Variants in COL5A1 observed in about 807,000 individuals in gnomAD.
The protein encoded by COL5A1 is collagen alpha-1(V) chain.
Under a neutral mutation model 263.7 loss-of-function variants are expected in COL5A1, and 16 were observed. The ratio of observed to expected loss-of-function variants is 0.06; its 90% CI spans 0.04 to 0.09. The LOEUF is 0.09. Ranked by LOEUF, COL5A1 falls within the 10% of genes least tolerant of loss-of-function variation. The pLI is 1.00. For missense variants in COL5A1, 2,036 were observed against 2,540.5 expected, an observed-to-expected ratio of 0.80 and a Z score of 4.27; for synonymous variants, 1,012 against 1,004.5, an observed-to-expected ratio of 1.01 and a Z score of -0.14.
chr9:134,711,991 A>T (rs955603274), intron 4 of COL5A1, among the ~76,000 whole-genome samples: 4 of 32,010 alleles, frequency 1.2e-4, no homozygotes, highest in Admixed American at 3.7e-4. Context: ...TCCTGTCCCC[A>T]CTCCTTCCCC....
chr9:134,699,994 C>T lies in COL5A1; in HGVS notation c.363C>T (p.Asn121=), dbSNP rs369180922. 28 of 1,613,840 alleles carry T rather than the reference C, an allele frequency of 1.7e-5. No homozygotes were observed. The highest frequency in any genetic ancestry group is 1.6e-4 in the Middle Eastern group (1 of 6,062). The change falls in exon 3 of 66, where the codon AAC becomes AAT. Residue 121 remains asparagine, a synonymous_variant. Transcript: ENST00000371817. ...GSQAFLVSIY[N]EQGIQQIGLE... Reference sequence around the variant, plus strand: ...AGGCCTTCCTGGTCTCCATCTACAACGAGCAGGGTATCCAGCAGATTGGGC... The same window carrying T: ...AGGCCTTCCTGGTCTCCATCTACAATGAGCAGGGTATCCAGCAGATTGGGC...
At chr9:134,822,633 G>A (rs1000562506) in intron 59 of COL5A1, among the ~76,000 whole-genome samples, 8 of 151,744 alleles carry the variant, frequency 5.3e-5, no homozygotes, top group African/African-American at 1.9e-4. Context: ...CTGGCACGCT[G>A]AGGGCTGGCC....
intron 4 of COL5A1, among the ~76,000 whole-genome samples, chr9:134,724,428 C>T (rs763029933): frequency 1.2e-4 from 19 of 152,218 alleles, no homozygotes; most frequent in African/African-American, 3.1e-4. Context: ...CGGGCCTGTC[C>T]GGCAGCACAG....
In COL5A1 at chr9:134,677,183, T is replaced by G. The variant is rs1832707372; in HGVS notation, c.110-13729T>G. On this transcript the variant is annotated intron_variant, in intron 1 of 65. Transcript: ENST00000371817. This position sits in a 1 kb window ranked among gnomAD's most constrained non-coding sequence, Gnocchi z 4.4. Reference sequence around the variant, plus strand: ...CTTCATGAAGGAACAGTGTCTCTGCTGGATGCTACCTTGAATATTCAGAAT... The same window carrying G: ...CTTCATGAAGGAACAGTGTCTCTGCGGGATGCTACCTTGAATATTCAGAAT... Among the ~76,000 whole-genome samples the G allele has an allele frequency of 6.6e-6, 1 of 152,204 alleles. No individual in the cohort carries two copies. Among genetic ancestry groups the G allele is most frequent in the Non-Finnish European group, 1.5e-5 (1 of 68,034 alleles).
intron 11 of COL5A1, among the ~76,000 whole-genome samples, chr9:134,750,220 C>T (rs984119738): frequency 6.6e-6 from 1 of 152,186 alleles, no homozygotes; most frequent in Non-Finnish European, 1.5e-5. Flanking sequence ...CTGACACTGC[C>T]TCCTCACCTT....
At chr9:134,801,286 G>T (rs180830972) in intron 37 of COL5A1, among the ~76,000 whole-genome samples, 1 of 152,240 alleles carries the variant, frequency 6.6e-6, no homozygotes, top group Non-Finnish European at 1.5e-5. Flanking sequence ...GTCACCCGTC[G>T]TGCATCAGAG....
chr9:134,780,200 C>G (rs1460824477), intron 28 of COL5A1, 54 bp downstream of exon 28: 6 of 1,565,424 alleles, frequency 3.8e-6, no homozygotes, highest in Non-Finnish European at 4.4e-6. Flanking sequence ...AGCCGAATTC[C>G]AGCCAGCGGG....
chr9:134,811,201 T>C (rs1838508515), intron 44 of COL5A1, 138 bp from the exon 45 acceptor site: 18 of 821,020 alleles, frequency 2.2e-5, no homozygotes, highest in South Asian at 2.2e-4. Flanking sequence ...TGCATCGTGG[T>C]GCAAGGAACG....
At chr9:134,810,084 T>A (rs1479664311) in intron 43 of COL5A1, among the ~76,000 whole-genome samples, 171 bp from the exon 44 acceptor site, 1 of 152,240 alleles carries the variant, frequency 6.6e-6, no homozygotes, top group Non-Finnish European at 1.5e-5. Context: ...TTAGCCCTTG[T>A]ATTAAAAAGG....
At chr9:134,806,133 C>A in intron 41 of COL5A1, 56 bp from the exon 42 acceptor site, 1 of 1,321,548 alleles carries the variant, frequency 7.6e-7, no homozygotes, top group South Asian at 1.3e-5. Flanking sequence ...TTTACAAAGT[C>A]ACGACCACGC....
In COL5A1 at chr9:134,789,748, G is replaced by A. The variant is rs2132785590; in HGVS notation, c.2700+540G>A. Among the ~76,000 whole-genome samples the A allele has an allele frequency of 6.6e-6, 1 of 152,338 alleles. No individual in the cohort carries two copies. The highest frequency in any genetic ancestry group is 2.4e-5 in the African/African-American group (1 of 41,576). On this transcript the variant is annotated intron_variant, in intron 32 of 65. Transcript: ENST00000371817. The surrounding 1 kb of genome is among the most constrained non-coding windows in gnomAD (Gnocchi z 4.8). ...CTCACCCTCAGCGAAGGAACAGGGG[G>A]CCGGGCTGAGGGAGCTGTGTTCTCC... is the stretch of plus-strand genomic sequence containing the variant.
chr9:134,795,220 G>A (rs1564463840), intron 33 of COL5A1, 42 bp from the exon 34 acceptor site: 1 of 1,613,486 alleles, frequency 6.2e-7, no homozygotes, highest in Non-Finnish European at 8.5e-7. Context: ...GTGTCTGTGT[G>A]TCGGGACTTG....
In COL5A1 at chr9:134,717,303, T is replaced by G. The variant is rs75384903; in HGVS notation, c.655-9963T>G. On this transcript the variant is annotated intron_variant, in intron 4 of 65. Coordinates refer to ENST00000371817, the MANE Select transcript of COL5A1 (RefSeq NM_000093.5). ...TGCAAGAGACTGCTGATGATGGCAC[T>G]GTACTTGCGGGGAACGCAGTCGTGT... 1.7e-3 allele frequency among the ~76,000 whole-genome samples: 261 copies of G among 152,330 alleles called. 1 individual carries two copies. The highest frequency in any genetic ancestry group is 6.0e-3 in the African/African-American group (249 of 41,578).
chr9:134,721,340 A>T (rs776714898), intron 4 of COL5A1, among the ~76,000 whole-genome samples: 1 of 148,408 alleles, frequency 6.7e-6, no homozygotes, highest in Non-Finnish European at 1.5e-5. Flanking sequence ...ACCTCCCCAT[A>T]GTACCCATAC....
chr9:134,704,890 TC>T (rs1833789509), intron 4 of COL5A1, among the ~76,000 whole-genome samples: 1 of 152,142 alleles, frequency 6.6e-6, no homozygotes, highest in South Asian at 2.1e-4. Context: ...GAAGAGAATT[TC>T]TATTTCTTTT....
chr9:134,752,420 G>T (rs80167409), intron 13 of COL5A1, among the ~76,000 whole-genome samples, 169 bp from the exon 14 acceptor site: 4 of 450 alleles, frequency 8.9e-3, no homozygotes, highest in African/African-American at 0.012. Context: ...CATCGAAGTC[G>T]GGGGGGGGGG....
chr9:134,756,909 G>A, intron 17 of COL5A1, 91 bp downstream of exon 17: 1 of 1,269,036 alleles, frequency 7.9e-7, no homozygotes, highest in South Asian at 1.2e-5. Flanking sequence ...GTTATGTGAT[G>A]ACTACGATTA....
intron 27 of COL5A1, among the ~76,000 whole-genome samples, chr9:134,775,727 GCTTTTAA>G (rs1335669463): frequency 1.3e-5 from 2 of 152,218 alleles, no homozygotes; most frequent in African/African-American, 4.8e-5. Flanking sequence ...CCTTCAAGAT[GCTTTTAA>G]CTGGATGTGA....
Position 134,743,434 on chromosome 9 carries a change from AC to A in COL5A1, c.1494+4627del, listed in dbSNP as rs574419549. On this transcript the variant is annotated intron_variant, in intron 11 of 65. Coordinates refer to ENST00000371817, the MANE Select transcript of COL5A1 (RefSeq NM_000093.5). The stretch of plus-strand genomic sequence containing the variant: ...TCTTTCCACCTACAGCATATTTATT[AC>A]TTTTGGGTAAAGTAGCGATCTGCTT... Among the ~76,000 whole-genome samples the A allele has an allele frequency of 2.6e-5, 4 of 152,220 alleles. No homozygotes were observed. In the South Asian group the frequency reaches 8.3e-4, roughly 32 times the overall value.
Sources: allele counts gnomAD v4.1 joint callset (sites outside exome capture counted in the v4.1 genomes callset), GRCh38; gene constraint gnomAD v4.1.1; non-coding constraint Gnocchi (gnomAD v3.1); transcripts MANE v1.5; gene names NCBI Gene and HGNC (gene_info 2026-07-23, HGNC 2026-07-21).